Variants in PHKB observed in about 807,000 individuals in gnomAD.
PHKB encodes the protein phosphorylase b kinase regulatory subunit beta.
PHKB carries 122 observed loss-of-function variants against 152.1 expected under a neutral mutation model. The ratio of observed to expected loss-of-function variants is 0.80; its 90% CI spans 0.69 to 0.93. The LOEUF is 0.93. Among genes scored for constraint, PHKB ranks in the 40% least tolerant of loss-of-function variants. The pLI is 0.00. For missense variants in PHKB, 1,304 were observed against 1,328.4 expected, an observed-to-expected ratio of 0.98 and a Z score of 0.29; for synonymous variants, 436 against 464.9, an observed-to-expected ratio of 0.94 and a Z score of 0.80.
chr16:47,653,648 G>A (rs375466144), intron 20 of PHKB, among the ~76,000 whole-genome samples: 139 of 152,180 alleles, frequency 9.1e-4, no homozygotes, highest in African/African-American at 3.2e-3. Context: ...TTATGCTTAA[G>A]TGTCCCTCCC....
Position 47,652,222 on chromosome 16 carries a change from C to T in PHKB, c.1971+1301C>T, listed in dbSNP as rs1973249886. 2.6e-5 allele frequency among the ~76,000 whole-genome samples: 4 copies of T among 151,426 alleles called. No individual in the cohort carries two copies. In the South Asian group the frequency reaches 8.4e-4, roughly 32 times the overall value. On this transcript the variant is annotated intron_variant, in intron 20 of 30. Transcript: ENST00000323584. ...GGTACAAAGATTCTTTTTTTCTTTT[C>T]TTACTATTTCAGCTTTTATTTTTGA... is the stretch of plus-strand genomic sequence containing the variant.
chr16:47,565,653 G>A (rs1971552532), intron 7 of PHKB: 2 of 1,191,568 alleles, frequency 1.7e-6, no homozygotes, highest in Non-Finnish European at 2.5e-6. Flanking sequence ...CTCACTTCCT[G>A]TCCTCGACCA....
At chr16:47,688,638 A>T (rs767538917) in intron 26 of PHKB, among the ~76,000 whole-genome samples, 4 of 151,826 alleles carry the variant, frequency 2.6e-5, no homozygotes, top group Non-Finnish European at 5.9e-5. Flanking sequence ...AGCATATCTC[A>T]GCCTATTTCT....
At chr16:47,647,862 A>G (rs1973162186) in intron 16 of PHKB, among the ~76,000 whole-genome samples, 1 of 152,228 alleles carries the variant, frequency 6.6e-6, no homozygotes, top group Non-Finnish European at 1.5e-5. Flanking sequence ...CAGAATATAT[A>G]TGAACCCATT....
chr16:47,679,125 T>C (rs1973796612), intron 26 of PHKB, among the ~76,000 whole-genome samples: 2 of 152,216 alleles, frequency 1.3e-5, no homozygotes, highest in African/African-American at 2.4e-5. Context: ...GTTCCATTGG[T>C]CTATATCTCT....
At chr16:47,469,521 A>T (rs1432706069) in intron 1 of PHKB, among the ~76,000 whole-genome samples, 2 of 152,024 alleles carry the variant, frequency 1.3e-5, no homozygotes, top group Non-Finnish European at 2.9e-5. Flanking sequence ...ATACTACTGC[A>T]TGTTCTCCTA....
At chr16:47,478,037 T>C (rs1969899058) in intron 1 of PHKB, among the ~76,000 whole-genome samples, 1 of 152,168 alleles carries the variant, frequency 6.6e-6, no homozygotes, top group African/African-American at 2.4e-5. Flanking sequence ...AATCTTGCCA[T>C]CTAGAGTAAG....
chr16:47,685,827 C>T (rs1262639577), intron 26 of PHKB, among the ~76,000 whole-genome samples: 1 of 150,156 alleles, frequency 6.7e-6, no homozygotes, highest in Non-Finnish European at 1.5e-5. Flanking sequence ...CTGCAAGCTC[C>T]GCCTCCTGGG....
chr16:47,678,951 G>C (rs1973791494), intron 26 of PHKB, among the ~76,000 whole-genome samples: 1 of 152,118 alleles, frequency 6.6e-6, no homozygotes, highest in Non-Finnish European at 1.5e-5. Flanking sequence ...TTTTGTATAA[G>C]GTGTAAGGAA....
At chr16:47,599,020 C>T (rs990737843) in intron 13 of PHKB, 11 of 749,218 alleles carry the variant, frequency 1.5e-5, no homozygotes, top group South Asian at 3.3e-5. Flanking sequence ...GCCAACGATT[C>T]GATCAACACA....
chr16:47,614,848 G>A (rs566367734), intron 14 of PHKB, among the ~76,000 whole-genome samples: 2 of 152,172 alleles, frequency 1.3e-5, no homozygotes, highest in African/African-American at 4.8e-5. Context: ...GAATGTCCCA[G>A]CCTTCTTCTG....
intron 26 of PHKB, among the ~76,000 whole-genome samples, chr16:47,686,342 C>T (rs918039341): frequency 1.3e-5 from 2 of 152,116 alleles, no homozygotes; most frequent in Admixed American, 6.5e-5. Context: ...TTAGAAGATA[C>T]CTCCTGAAGT....
At chr16:47,534,876 T>C (rs1567295661) in intron 6 of PHKB, among the ~76,000 whole-genome samples, 1 of 152,082 alleles carries the variant, frequency 6.6e-6, no homozygotes, top group Non-Finnish European at 1.5e-5. Flanking sequence ...CAAATCAAAA[T>C]TGAGGGACAT....
chr16:47,688,309 A>G (rs184821243), intron 26 of PHKB, among the ~76,000 whole-genome samples: 3 of 152,164 alleles, frequency 2.0e-5, no homozygotes, highest in African/African-American at 7.2e-5. Flanking sequence ...TTTGGTTTTC[A>G]TAACTAGTTT....
chr16:47,522,505 T>C (rs1367757023), intron 6 of PHKB, among the ~76,000 whole-genome samples: 1 of 151,928 alleles, frequency 6.6e-6, no homozygotes, highest in Non-Finnish European at 1.5e-5. Flanking sequence ...TTTGGTTTTA[T>C]TTTTAAAATT....
chr16:47,461,361 C>T lies in PHKB; in HGVS notation c.11C>T (p.Ala4Val). 1.2e-6 allele frequency: 2 copies of T among 1,610,552 alleles called. No individual in the cohort carries two copies. The highest frequency in any genetic ancestry group is 1.1e-5 in the South Asian group (1 of 90,802). Residue 4 changes from alanine (A) to valine (V), a missense_variant, in exon 1 of 31, where the codon GCG becomes GTG. By Grantham distance (64) the Ala-to-Val change is moderately conservative (BLOSUM62 0). Coordinates refer to ENST00000323584, the MANE Select transcript of PHKB (RefSeq NM_000293.3). ...GGCGACCGGAGCGCGATGGCGGGGG[C>T]GGCGGGACTCACGGCAGAAGTGAGC... MAG[A>V]AGLTAEVSWK...
chr16:47,536,800 A>G (rs1970959566), intron 6 of PHKB, among the ~76,000 whole-genome samples: 1 of 152,318 alleles, frequency 6.6e-6, no homozygotes, highest in African/African-American at 2.4e-5. Flanking sequence ...TGTACTAGTT[A>G]GAGGTGAGAA....
At chr16:47,581,055 A>G (rs1163263474) in intron 8 of PHKB, among the ~76,000 whole-genome samples, 1 of 151,968 alleles carries the variant, frequency 6.6e-6, no homozygotes, top group African/African-American at 2.4e-5. Flanking sequence ...GATTCCTAAG[A>G]TGGTGAAGTA....
At chr16:47,636,357 T>C (rs1433105317) in intron 14 of PHKB, among the ~76,000 whole-genome samples, 1 of 152,200 alleles carries the variant, frequency 6.6e-6, no homozygotes, top group African/African-American at 2.4e-5. Context: ...GCACACTTCA[T>C]GGAGCCAGAG....
Sources: gnomAD v4.1 joint callset for allele counts (sites outside exome capture counted in the v4.1 genomes callset) on GRCh38, gnomAD v4.1.1 for gene constraint, MANE v1.5 for transcripts, NCBI Gene and HGNC (gene_info 2026-07-23, HGNC 2026-07-21) for gene names.